Variants in ZNF649 observed in about 807,000 individuals in gnomAD.
The protein encoded by ZNF649 is zinc finger protein 649.
ZNF649 carries 7 observed loss-of-function variants against 14.1 expected under a neutral mutation model. That is an observed-to-expected ratio of 0.49 (90% CI 0.28 to 0.93). The LOEUF (loss-of-function observed/expected upper bound fraction) is 0.93. Among genes scored for constraint, ZNF649 ranks in the 40% least tolerant of loss-of-function variants. The pLI is 0.10. For synonymous variants in ZNF649, 227 were observed against 212.3 expected, an observed-to-expected ratio of 1.07 and a Z score of -0.60; for missense variants, 544 against 608.1, an observed-to-expected ratio of 0.89 and a Z score of 1.11.
At chr19:51,896,805 G>T (rs745611214) in intron 3 of ZNF649, 47 bp downstream of exon 3, 2 of 1,614,080 alleles carry the variant, frequency 1.2e-6, no homozygotes, top group Non-Finnish European at 1.7e-6. Flanking sequence ...GAAAGCAAAG[G>T]CCACTGACTG....
chr19:51,900,512 G>A (rs950137895), intron 1 of ZNF649: 7 of 176,132 alleles, frequency 4.0e-5, no homozygotes, highest in African/African-American at 1.4e-4. Context: ...GGCATATCTG[G>A]CCACTTTCCA....
intron 2 of ZNF649, chr19:51,899,854 T>C (rs1261906638): frequency 1.3e-5 from 5 of 377,826 alleles, no homozygotes; most frequent in African/African-American, 2.1e-5. Context: ...TGACACTTAA[T>C]GTAGCCAACA....
At chr19:51,896,389 CTT>C in intron 4 of ZNF649, 81 bp downstream of exon 4, 1 of 1,254,226 alleles carries the variant, frequency 8.0e-7, no homozygotes, top group Non-Finnish European at 1.2e-6. Context: ...TCCCTAGACA[CTT>C]TCACAACTGT....
chr19:51,899,379 T>C (rs1217461549), intron 2 of ZNF649, among the ~76,000 whole-genome samples: 1 of 152,098 alleles, frequency 6.6e-6, no homozygotes, highest in East Asian at 1.9e-4. Flanking sequence ...CAAAGAGAAC[T>C]TTCAACTCCC....
intron 2 of ZNF649, among the ~76,000 whole-genome samples, chr19:51,899,459 G>A (rs1002608637): frequency 6.6e-6 from 1 of 152,148 alleles, no homozygotes; most frequent in African/African-American, 2.4e-5. Context: ...AGCAAACCTT[G>A]CATTTTTTAG....
chr19:51,896,191 AAG>A (rs2085061283), intron 4 of ZNF649: 1 of 292,542 alleles, frequency 3.4e-6, no homozygotes, highest in Non-Finnish European at 6.5e-6. Flanking sequence ...ACAAGTGATG[AAG>A]AAGAATGGGA....
chr19:51,897,112 C>A, intron 2 of ZNF649, 134 bp from the exon 3 acceptor site: 1 of 1,273,412 alleles, frequency 7.9e-7, no homozygotes, highest in Admixed American at 2.0e-5. Flanking sequence ...GGAATGGTTT[C>A]AGGATGCCCC....
In ZNF649 at chr19:51,891,725, A is replaced by C; in HGVS notation, c.411T>G (p.Ala137=). The C allele has an allele frequency of 6.2e-7, 1 of 1,613,466 alleles. No individual in the cohort carries two copies. Among genetic ancestry groups the C allele is most frequent in the Non-Finnish European group, 8.5e-7 (1 of 1,179,862 alleles). Residue 137 remains alanine, a synonymous_variant, in exon 5 of 5, where the codon GCT becomes GCG. Transcript: ENST00000354957. The surrounding 1 kb of genome is among the most constrained non-coding windows in gnomAD (Gnocchi z 4.2). The stretch of plus-strand genomic sequence containing the variant: ...TTTGTTCATGATTATCATGGAGAAA[A>C]GCTCCATCTCCATTAAACTCAGCAG... ...KEPAEFNGDG[A]FLHDNHEQMP...
In ZNF649 at chr19:51,900,267, A is replaced by C; in HGVS notation, c.-160T>G. The C allele has an allele frequency of 1.9e-6, 1 of 513,410 alleles. No individual in the cohort carries two copies. The highest frequency in any genetic ancestry group is 3.6e-5 in the Admixed American group (1 of 27,632). 31.8% of individuals were successfully genotyped at this position (513,410 alleles called of 1,614,324 possible). Reference sequence around the variant, plus strand: ...AGGAACCTCCTCCTTCCTTCATTTGAACTCTCTTGCTTCTGGGGAGCCAGG... The same window carrying C: ...AGGAACCTCCTCCTTCCTTCATTTGCACTCTCTTGCTTCTGGGGAGCCAGG... On this transcript the variant is annotated 5_prime_UTR_variant, in exon 2 of 5. Coordinates refer to ENST00000354957, the MANE Select transcript of ZNF649 (RefSeq NM_023074.4).
intron 1 of ZNF649, among the ~76,000 whole-genome samples, chr19:51,904,605 A>G (rs7257221): frequency 0.096 from 14,385 of 150,510 alleles, 2,115 homozygotes; most frequent in African/African-American, 0.32. Flanking sequence ...AAACTGCAGC[A>G]TTTGGAGTGA....
chr19:51,901,172 G>GGCA (rs760490601), intron 1 of ZNF649, among the ~76,000 whole-genome samples: 2 of 152,046 alleles, frequency 1.3e-5, no homozygotes, highest in Non-Finnish European at 2.9e-5. Flanking sequence ...TTTTATTGGG[G>GGCA]GCTGATCGTG....
At chr19:51,904,776 A>G (rs1235969147) in intron 1 of ZNF649, 138 bp downstream of exon 1, 1 of 152,186 alleles carries the variant, frequency 6.6e-6, no homozygotes, top group Non-Finnish European at 1.5e-5. Flanking sequence ...ACGCCCGACC[A>G]CAAGAACTCT....
In ZNF649 at chr19:51,891,582, T is replaced by C. The variant is rs756102737; in HGVS notation, c.554A>G (p.Lys185Arg). The C allele has an allele frequency of 2.5e-6, 4 of 1,614,262 alleles. No homozygotes were observed. Among genetic ancestry groups the C allele is most frequent in the Non-Finnish European group, 3.4e-6 (4 of 1,180,044 alleles). The change falls in exon 5 of 5, where the codon AAA becomes AGA. Residue 185 changes from lysine (K) to arginine (R), a missense_variant. By Grantham distance (26) the Lys-to-Arg change is conservative. Transcript: ENST00000354957. The surrounding 1 kb of genome is among the most constrained non-coding windows in gnomAD (Gnocchi z 4.2). ...GAGCTGAGACTTCTTGAGGAAAGCT[T>C]TCCCACAGTCAGTGCATTCATGGGC... ...EKAHECTDCGKAFLKKSQLTE... is the reference protein window; with the variant it reads ...EKAHECTDCGRAFLKKSQLTE...
chr19:51,897,850 G>T (rs1353228452), intron 2 of ZNF649, among the ~76,000 whole-genome samples: 1 of 152,152 alleles, frequency 6.6e-6, no homozygotes, highest in Admixed American at 6.5e-5. Flanking sequence ...GGCCGGGCAT[G>T]ATGTCTCACG....
In ZNF649 at chr19:51,900,916, T is replaced by C. The variant is rs1047687863; in HGVS notation, c.-187-622A>G. On this transcript the variant is annotated intron_variant, in intron 1 of 4. Transcript: ENST00000354957. ...AGATGCAGTGATTCACTAGGTGAAC[T>C]CACAACACTCAGTCTATAATTATAT... Among the ~76,000 whole-genome samples the C allele has an allele frequency of 2.0e-5, 3 of 152,148 alleles. No homozygotes were observed. The East Asian group carries it at 5.8e-4, about 29-fold the overall frequency.
Position 51,891,013 on chromosome 19 carries a change from CA to C in ZNF649, c.1122del (p.Phe374LeufsTer88). ...HQRYHTGKTP[F>X]VCPECGQPCS... ...CAGGGTTGCCCACATTCAGGACATA[CA>C]AAGGGAGTCTTTCCTGTATGATATC... On this transcript the variant is annotated frameshift_variant, in exon 5 of 5. Transcript: ENST00000354957. LOFTEE classifies it low-confidence loss of function (END_TRUNC). This position sits in a 1 kb window ranked among gnomAD's most constrained non-coding sequence, Gnocchi z 4.2. The C allele has an allele frequency of 6.2e-7, 1 of 1,614,188 alleles. No homozygotes were observed. Among genetic ancestry groups the C allele is most frequent in the Non-Finnish European group, 8.5e-7 (1 of 1,180,034 alleles).
chr19:51,891,081 CCA>C lies in ZNF649; in HGVS notation c.1053_1054del (p.Cys351TrpfsTer27). On this transcript the variant is annotated frameshift_variant, in exon 5 of 5. Transcript: ENST00000354957. LOFTEE classifies it low-confidence loss of function (END_TRUNC). This position sits in a 1 kb window ranked among gnomAD's most constrained non-coding sequence, Gnocchi z 4.2. ...GCAAGACTTCTGGCTGAAGGCCTTG[CCA>C]CAGTCAATGCATCCATAAGGTTTCT... 2 of 1,614,180 alleles carry C rather than the reference CCA, an allele frequency of 1.2e-6. No homozygotes were observed. Among genetic ancestry groups the C allele is most frequent in the Non-Finnish European group, 1.7e-6 (2 of 1,180,038 alleles).
chr19:51,898,191 G>A (rs60088244), intron 2 of ZNF649, among the ~76,000 whole-genome samples: 34,295 of 151,758 alleles, frequency 0.23, 4,049 homozygotes, highest in South Asian at 0.39. Context: ...TGCCAACTGG[G>A]TATCCTAGAG....
Position 51,891,133 on chromosome 19 carries a change from T to C in ZNF649, c.1003A>G (p.Ile335Val), listed in dbSNP as rs1373682972. 2 of 1,614,082 alleles carry C rather than the reference T, an allele frequency of 1.2e-6. No individual in the cohort carries two copies. The highest frequency in any genetic ancestry group is 1.3e-5 in the African/African-American group (1 of 74,944). The change falls in exon 5 of 5, where the codon ATA (isoleucine) becomes GTA (valine). Residue 335 changes from isoleucine (I) to valine (V), a missense_variant. Physicochemically the swap from Ile to Val is conservative, Grantham distance 29 (BLOSUM62 3). Coordinates refer to ENST00000354957, the MANE Select transcript of ZNF649 (RefSeq NM_023074.4). This position sits in a 1 kb window ranked among gnomAD's most constrained non-coding sequence, Gnocchi z 4.2. ...KGFIQKGNLN[I>V]HQRTHTGEKP... ...TCTCCAGTGTGAGTTCGTTGATGTA[T>C]GTTGAGATTGCCCTTCTGAATGAAG...
Sources: gnomAD v4.1 joint callset for allele counts (sites outside exome capture counted in the v4.1 genomes callset) on GRCh38, gnomAD v4.1.1 for gene constraint, Gnocchi (gnomAD v3.1) non-coding constraint, MANE v1.5 for transcripts, NCBI Gene and HGNC (gene_info 2026-07-23, HGNC 2026-07-21) for gene names.